The following RBFOX1 variants were observed in gnomAD, a reference collection of about 807,000 sequenced individuals.
RBFOX1 encodes the protein RNA binding fox-1 homolog 1.
RBFOX1 carries 8 observed loss-of-function variants against 57.7 expected under a neutral mutation model. The observed-to-expected ratio is 0.14, with a 90% CI of 0.08 to 0.25. The LOEUF (loss-of-function observed/expected upper bound fraction) is 0.25. Ranked by LOEUF, RBFOX1 falls within the 10% of genes least tolerant of loss-of-function variation. The pLI is 1.00. For synonymous variants in RBFOX1, 326 were observed against 222.4 expected (o/e 1.47, Z -4.15); for missense variants, 611 against 548.5 (o/e 1.11, Z -1.14).
At chr16:7,411,279 G>C (rs2098422369) in intron 4 of RBFOX1, among the ~76,000 whole-genome samples, 1 of 151,906 alleles carries the variant, frequency 6.6e-6, no homozygotes, top group Non-Finnish European at 1.5e-5. Flanking sequence ...AAAGAACTTT[G>C]TCTTGAGGGT....
At chr16:6,635,130 G>T (rs950552111) in intron 2 of RBFOX1, among the ~76,000 whole-genome samples, 2 of 145,222 alleles carry the variant, frequency 1.4e-5, no homozygotes, top group South Asian at 4.3e-4. Flanking sequence ...TATACATTAT[G>T]TATTATATTA....
chr16:6,635,980 T>A (rs992896452), intron 2 of RBFOX1, among the ~76,000 whole-genome samples: 5 of 152,214 alleles, frequency 3.3e-5, no homozygotes, highest in Non-Finnish European at 5.9e-5. Flanking sequence ...CATTGCCTTA[T>A]GCTTTATATG....
intron 1 of RBFOX1, among the ~76,000 whole-genome samples, chr16:5,248,478 G>T (rs1596300532): frequency 6.6e-6 from 1 of 152,172 alleles, no homozygotes; most frequent in East Asian, 1.9e-4. Flanking sequence ...GCAGCTGGAA[G>T]GGGGCAGGTC....
chr16:7,380,786 ATAAACT>A (rs1334806484), intron 4 of RBFOX1, among the ~76,000 whole-genome samples: 2 of 152,238 alleles, frequency 1.3e-5, no homozygotes, highest in African/African-American at 4.8e-5. Flanking sequence ...AAATGTAATA[ATAAACT>A]TAAAATCCCT....
chr16:6,868,710 A>G (rs904928135), intron 3 of RBFOX1, among the ~76,000 whole-genome samples: 2 of 152,132 alleles, frequency 1.3e-5, no homozygotes, highest in South Asian at 4.1e-4. Context: ...ATCTCAGGTG[A>G]CCCACTTGCT....
chr16:6,431,903 T>TG (rs1488842975), intron 2 of RBFOX1, among the ~76,000 whole-genome samples: 1 of 82,186 alleles, frequency 1.2e-5, no homozygotes, highest in African/African-American at 4.4e-5. Context: ...CTTGCTTTCT[T>TG]TCTTTCTTTC....
chr16:6,261,124 A>G (rs1240238296), intron 1 of RBFOX1, among the ~76,000 whole-genome samples: 1 of 152,132 alleles, frequency 6.6e-6, no homozygotes, highest in Non-Finnish European at 1.5e-5. Flanking sequence ...ATTTTTTAAA[A>G]CCCCACAAAT....
intron 1 of RBFOX1, among the ~76,000 whole-genome samples, chr16:5,429,520 C>T (rs1186693052): frequency 6.6e-6 from 1 of 152,098 alleles, no homozygotes; most frequent in Admixed American, 6.6e-5. Context: ...GGGAGAGGGA[C>T]CCAAAGCACA....
chr16:7,143,781 C>G (rs990799877), intron 4 of RBFOX1, among the ~76,000 whole-genome samples: 1 of 152,146 alleles, frequency 6.6e-6, no homozygotes, highest in Non-Finnish European at 1.5e-5. Context: ...TACTGAGTAT[C>G]TACACTGTGC....
At chr16:6,239,369 A>G (rs2097527625) in intron 1 of RBFOX1, among the ~76,000 whole-genome samples, 2 of 152,004 alleles carry the variant, frequency 1.3e-5, no homozygotes, top group Admixed American at 1.3e-4. Context: ...TATGGTCAGT[A>G]AATGCTTGTC....
At chr16:6,196,790 T>C (rs949389458) in intron 1 of RBFOX1, among the ~76,000 whole-genome samples, 6 of 151,936 alleles carry the variant, frequency 3.9e-5, no homozygotes, top group Non-Finnish European at 5.9e-5. Context: ...TAATAATGTC[T>C]GGTTCATCTT....
At chr16:7,654,865 G>T (rs1235712780) in intron 12 of RBFOX1, among the ~76,000 whole-genome samples, 1 of 152,138 alleles carries the variant, frequency 6.6e-6, no homozygotes, top group Admixed American at 6.5e-5. Context: ...GTAGAGTCTA[G>T]GGATGTTGTT....
intron 1 of RBFOX1, among the ~76,000 whole-genome samples, chr16:6,157,554 AT>A (rs1567580651): frequency 6.6e-6 from 1 of 151,842 alleles, no homozygotes; most frequent in Non-Finnish European, 1.5e-5. Context: ...TTGTCTTCCT[AT>A]TTTTGGACTC....
rs557435084 is a variant in RBFOX1 at position 7,205,320 on chromosome 16, C to G, written c.27+153222C>G. On this transcript the variant is annotated intron_variant, in intron 4 of 15. Coordinates refer to ENST00000550418, the MANE Select transcript of RBFOX1 (RefSeq NM_018723.4). The stretch of plus-strand genomic sequence containing the variant: ...ATCACTTGATGTCAGGAGTTCAAGA[C>G]CAGTCTGGCCAACATGGTGAAACCT... 2.7e-4 allele frequency among the ~76,000 whole-genome samples: 41 copies of G among 152,050 alleles called. 1 individual carries two copies. Among genetic ancestry groups the G allele is most frequent in the African/African-American group, 9.2e-4 (38 of 41,470 alleles).
Position 7,277,728 on chromosome 16 carries a change from A to G in RBFOX1, c.27+225630A>G, listed in dbSNP as rs144682276. Among the ~76,000 whole-genome samples, 11 of 152,344 alleles carry G rather than the reference A, an allele frequency of 7.2e-5. No individual in the cohort carries two copies. In the East Asian group the frequency reaches 2.1e-3, roughly 29 times the overall value. The stretch of plus-strand genomic sequence containing the variant: ...AGCCAAGGACTTCTATAGGCACAGA[A>G]TGGTCAAGATATTTATTCAGCATAG... On this transcript the variant is annotated intron_variant, in intron 4 of 15. Coordinates refer to ENST00000550418, the MANE Select transcript of RBFOX1 (RefSeq NM_018723.4).
chr16:6,018,852 G>A (rs1161082827), upstream of RBFOX1, among the ~76,000 whole-genome samples: 3 of 151,994 alleles, frequency 2.0e-5, no homozygotes, highest in Non-Finnish European at 4.4e-5. Context: ...AAAGTCCTGG[G>A]CTCATTGCCC....
chr16:7,340,639 C>CA (rs1449536421), intron 4 of RBFOX1, among the ~76,000 whole-genome samples: 6 of 152,146 alleles, frequency 3.9e-5, no homozygotes, highest in African/African-American at 1.4e-4. Context: ...GCAGCCACAC[C>CA]ACTTCTCTTC....
At chr16:5,785,232 GTGGGA>G (rs1270082588) in intron 3 of RBFOX1, among the ~76,000 whole-genome samples, 2 of 152,198 alleles carry the variant, frequency 1.3e-5, no homozygotes, top group East Asian at 3.9e-4. Flanking sequence ...CACTACCTCA[GTGGGA>G]TTGCAGTATG....
chr16:6,172,473 AACC>A (rs2096968610), intron 1 of RBFOX1, among the ~76,000 whole-genome samples: 1 of 152,134 alleles, frequency 6.6e-6, no homozygotes, highest in Non-Finnish European at 1.5e-5. Flanking sequence ...CTTGGCTGTC[AACC>A]AAAAATTGCC....
Sources: gnomAD v4.1 joint callset for allele counts (sites outside exome capture counted in the v4.1 genomes callset) on GRCh38, gnomAD v4.1.1 for gene constraint, MANE v1.5 for transcripts, NCBI Gene and HGNC (gene_info 2026-07-23, HGNC 2026-07-21) for gene names.